RANBP2: variants seen among roughly 807,000 people sequenced by gnomAD.
The protein encoded by RANBP2 is RAN binding protein 2.
A neutral mutation model predicts 303.6 loss-of-function variants in RANBP2; 57 were observed. That is an observed-to-expected ratio of 0.19 (90% CI 0.15 to 0.23). The LOEUF is 0.23. RANBP2 is among the 10% of genes least tolerant of loss of function. RANBP2 has a pLI of 1.00. For synonymous variants in RANBP2, 1,167 were observed against 1,301.5 expected (o/e 0.90, Z 2.23); for missense variants, 3,138 against 3,780.8 (o/e 0.83, Z 4.46).
At chr2:109,620,588 G>C in the RANBP2 span, among the ~76,000 whole-genome samples, 1 of 152,168 alleles carries the variant, frequency 6.6e-6, no homozygotes, top group Non-Finnish European at 1.5e-5. Flanking sequence ...TGTAATCCCA[G>C]CTACTTGGGA....
chr2:109,764,815 T>C, the RANBP2 span, among the ~76,000 whole-genome samples: 1 of 122,880 alleles, frequency 8.1e-6, no homozygotes, highest in Non-Finnish European at 1.6e-5. Flanking sequence ...CTCTAAAAGA[T>C]CATTTTATGC....
At chr2:108,808,759 G>A in the RANBP2 span, among the ~76,000 whole-genome samples, 1 of 152,006 alleles carries the variant, frequency 6.6e-6, no homozygotes, top group Non-Finnish European at 1.5e-5. Context: ...CACCCTAGTT[G>A]GATGAATAGT....
At chr2:109,105,143 A>G in the RANBP2 span, among the ~76,000 whole-genome samples, 1 of 152,246 alleles carries the variant, frequency 6.6e-6, no homozygotes, top group Non-Finnish European at 1.5e-5. Flanking sequence ...CCCAATGGAT[A>G]GAAAACACCT....
At chr2:109,432,492 T>G in the RANBP2 span, 1 of 1,612,830 alleles carries the variant, frequency 6.2e-7, no homozygotes, top group Non-Finnish European at 8.5e-7. Context: ...CCCCATGCTT[T>G]GCCCGCAGGT....
the RANBP2 span, among the ~76,000 whole-genome samples, chr2:109,049,822 A>C: frequency 6.6e-6 from 1 of 152,212 alleles, no homozygotes; most frequent in Non-Finnish European, 1.5e-5. Flanking sequence ...GAAAAACATC[A>C]TCAGAACTTC....
intron 7 of RANBP2, among the ~76,000 whole-genome samples, chr2:108,741,679 T>G (rs1696105455): frequency 6.7e-6 from 1 of 150,118 alleles, no homozygotes; most frequent in African/African-American, 2.5e-5. Flanking sequence ...CTAATTTTTT[T>G]TTTGTACTTT....
the RANBP2 span, chr2:108,791,891 C>T: frequency 1.5e-6 from 2 of 1,296,872 alleles, no homozygotes; most frequent in Non-Finnish European, 2.1e-6. Context: ...AACACTGGCC[C>T]CCAAGAGTTT....
chr2:109,105,020 C>G, the RANBP2 span, among the ~76,000 whole-genome samples: 2 of 152,128 alleles, frequency 1.3e-5, no homozygotes, highest in African/African-American at 2.4e-5. Context: ...GAGGGTCCCC[C>G]CAACCCTGCC....
the RANBP2 span, among the ~76,000 whole-genome samples, chr2:109,239,328 A>G: frequency 3.9e-5 from 6 of 152,270 alleles, no homozygotes; most frequent in Admixed American, 3.9e-4. Context: ...CTATAGGAGT[A>G]TTTTTGTTAA....
chr2:108,837,030 T>C, the RANBP2 span, among the ~76,000 whole-genome samples: 1 of 152,136 alleles, frequency 6.6e-6, no homozygotes, highest in Non-Finnish European at 1.5e-5. Flanking sequence ...CTTCTCCAAT[T>C]TGGATACTTT....
the RANBP2 span, among the ~76,000 whole-genome samples, chr2:109,254,440 C>T: frequency 6.6e-6 from 1 of 152,102 alleles, no homozygotes; most frequent in African/African-American, 2.4e-5. Flanking sequence ...TGGATTAATG[C>T]TGTAAAGTAC....
the RANBP2 span, among the ~76,000 whole-genome samples, chr2:109,133,470 A>C: frequency 6.6e-6 from 1 of 152,230 alleles, no homozygotes; most frequent in African/African-American, 2.4e-5. Context: ...TTTTTTGAGT[A>C]CAGAGCTGAG....
chr2:109,036,165 G>A, the RANBP2 span, among the ~76,000 whole-genome samples: 14 of 152,282 alleles, frequency 9.2e-5, no homozygotes, highest in East Asian at 2.1e-3. Flanking sequence ...CAAACTCAAC[G>A]AGGATGATAG....
chr2:109,562,099 G>C, the RANBP2 span, among the ~76,000 whole-genome samples: 1 of 151,968 alleles, frequency 6.6e-6, no homozygotes, highest in African/African-American at 2.4e-5. Flanking sequence ...TATAGTCCCA[G>C]CTACTCAGGA....
chr2:108,932,040 C>A, the RANBP2 span, among the ~76,000 whole-genome samples: 2 of 152,146 alleles, frequency 1.3e-5, no homozygotes, highest in Admixed American at 6.5e-5. Flanking sequence ...AGAATTCTCT[C>A]GTCCTTAGCA....
the RANBP2 span, among the ~76,000 whole-genome samples, chr2:109,203,126 C>T: frequency 1.6e-4 from 25 of 152,176 alleles, no homozygotes; most frequent in East Asian, 5.8e-4. Flanking sequence ...TGGGCCTGTC[C>T]GTGTCCTCAG....
the RANBP2 span, chr2:108,912,600 T>C: frequency 1.0e-5 from 14 of 1,354,178 alleles, no homozygotes; most frequent in Non-Finnish European, 1.3e-5. Context: ...TCACTCATGA[T>C]CATTTCCTCT....
intron 1 of RANBP2, among the ~76,000 whole-genome samples, chr2:108,726,321 A>T (rs896903633): frequency 6.6e-6 from 1 of 152,170 alleles, no homozygotes; most frequent in Non-Finnish European, 1.5e-5. Flanking sequence ...CTTGTGTTCA[A>T]GTAACCTTTA....
the RANBP2 span, among the ~76,000 whole-genome samples, chr2:109,580,728 A>G: frequency 5.9e-5 from 9 of 152,226 alleles, no homozygotes; most frequent in Admixed American, 5.9e-4. Flanking sequence ...AAATAAATGA[A>G]AAAAAGGTTT....
Sources: allele counts gnomAD v4.1 joint callset (sites outside exome capture counted in the v4.1 genomes callset), GRCh38; gene constraint gnomAD v4.1.1; transcripts MANE v1.5; gene names NCBI Gene and HGNC (gene_info 2026-07-23, HGNC 2026-07-21).